CTNNA3: variants seen among roughly 807,000 people sequenced by gnomAD.
CTNNA3 encodes the protein catenin alpha 3.
Under a neutral mutation model 95.7 loss-of-function variants are expected in CTNNA3, and 76 were observed. The observed-to-expected ratio is 0.79, with a 90% confidence interval of 0.66 to 0.96. CTNNA3 has a LOEUF of 0.96. Ranked by LOEUF, CTNNA3 falls within the 40% of genes least tolerant of loss-of-function variation. The pLI, the probability that CTNNA3 is intolerant of heterozygous loss-of-function variation, is 0.00. For missense variants in CTNNA3, 1,191 were observed against 1,089.8 expected (o/e 1.09, Z -1.31); for synonymous variants, 431 against 374.4 (o/e 1.15, Z -1.74).
At chr10:66,840,370 T>TCACA (rs1843022361) in intron 7 of CTNNA3, among the ~76,000 whole-genome samples, 5 of 74,812 alleles carry the variant, frequency 6.7e-5, no homozygotes, top group East Asian at 3.3e-4. Context: ...TCTCTCTCTC[T>TCACA]CTCACACACA....
chr10:66,204,655 C>T (rs2087645452), intron 13 of CTNNA3, among the ~76,000 whole-genome samples: 1 of 152,118 alleles, frequency 6.6e-6, no homozygotes, highest in African/African-American at 2.4e-5. Context: ...GTGACCACTT[C>T]CTCCCTTGTA....
At chr10:66,700,706 G>A (rs1405985322) in intron 9 of CTNNA3, among the ~76,000 whole-genome samples, 2 of 152,116 alleles carry the variant, frequency 1.3e-5, no homozygotes, top group African/African-American at 2.4e-5. Flanking sequence ...AATTATAAGA[G>A]TGAAGTTATG....
chr10:66,747,549 C>A (rs558997048), intron 9 of CTNNA3, among the ~76,000 whole-genome samples: 1 of 152,244 alleles, frequency 6.6e-6, no homozygotes, highest in African/African-American at 2.4e-5. Context: ...CTGACCTATG[C>A]ACGTCACTTA....
chr10:66,007,320 T>G (rs1343220545), intron 15 of CTNNA3, among the ~76,000 whole-genome samples: 1 of 152,136 alleles, frequency 6.6e-6, no homozygotes, highest in Admixed American at 6.6e-5. Context: ...TTTCTCTCCA[T>G]CAGATTATTT....
intron 5 of CTNNA3, among the ~76,000 whole-genome samples, chr10:67,346,181 T>C (rs1272002950): frequency 6.6e-6 from 1 of 152,212 alleles, no homozygotes; most frequent in Non-Finnish European, 1.5e-5. Flanking sequence ...TACCTTATTG[T>C]ACTATCTAGG....
At chr10:67,531,800 C>T (rs935056988) in intron 4 of CTNNA3, among the ~76,000 whole-genome samples, 1 of 152,136 alleles carries the variant, frequency 6.6e-6, no homozygotes, top group Non-Finnish European at 1.5e-5. Context: ...AATTGTAACT[C>T]TCACAATTCC....
rs181751999 is a variant in CTNNA3 at position 66,518,928 on chromosome 10, A to G, written c.1531+1689T>C. On this transcript the variant is annotated intron_variant, in intron 11 of 17. Transcript: ENST00000433211. ...TCATTTTCACTAATGTATCATGAAA[A>G]TATAGTTGGTTTCTGGAATAATTTT... 2.6e-3 allele frequency among the ~76,000 whole-genome samples: 394 copies of G among 152,166 alleles called. 1 individual carries two copies. Among genetic ancestry groups the G allele is most frequent in the African/African-American group, 9.2e-3 (381 of 41,550 alleles).
intron 4 of CTNNA3, among the ~76,000 whole-genome samples, chr10:67,528,724 T>C (rs1252748018): frequency 6.6e-6 from 1 of 152,214 alleles, no homozygotes; most frequent in Non-Finnish European, 1.5e-5. Flanking sequence ...ATGGTATTTT[T>C]AGAAATTTGA....
At chr10:66,105,433 C>CT (rs2081853216) in intron 13 of CTNNA3, among the ~76,000 whole-genome samples, 2 of 152,184 alleles carry the variant, frequency 1.3e-5, no homozygotes, top group African/African-American at 4.8e-5. Flanking sequence ...CAACTGAAGG[C>CT]TGTCTGGTGT....
rs187287762 is a variant in CTNNA3 at position 66,508,234 on chromosome 10, G to A, written c.1531+12383C>T. On this transcript the variant is annotated intron_variant, in intron 11 of 17. Transcript: ENST00000433211. ...TGTTTTTTTTTTTTTTAACAATTTCGTTGACTCTCAGAGTCTAAGACTTCA... is the reference window on the plus strand; with the variant it reads ...TGTTTTTTTTTTTTTTAACAATTTCATTGACTCTCAGAGTCTAAGACTTCA... Among the ~76,000 whole-genome samples, 52 of 88,328 alleles carry A rather than the reference G, an allele frequency of 5.9e-4. 1 individual carries two copies. The highest frequency in any genetic ancestry group is 9.9e-4 in the Non-Finnish European group (45 of 45,502). The allele number at this position is 88,328 out of a possible 152,430, so 57.9% of individuals were successfully genotyped here.
At chr10:66,740,460 T>G (rs887443422) in intron 9 of CTNNA3, among the ~76,000 whole-genome samples, 1 of 152,234 alleles carries the variant, frequency 6.6e-6, no homozygotes, top group Non-Finnish European at 1.5e-5. Context: ...TATTCAATTT[T>G]GTCAAATTAT....
intron 1 of CTNNA3, among the ~76,000 whole-genome samples, chr10:67,742,025 C>T (rs1226162234): frequency 6.6e-6 from 1 of 151,098 alleles, no homozygotes; most frequent in South Asian, 2.1e-4. Flanking sequence ...TAGAGACCTA[C>T]AAAGAGACTT....
intron 17 of CTNNA3, among the ~76,000 whole-genome samples, chr10:65,947,766 G>A (rs2077540742): frequency 6.6e-6 from 1 of 152,172 alleles, no homozygotes; most frequent in Non-Finnish European, 1.5e-5. Context: ...AGCCTAAATT[G>A]CCTAATTCAG....
chr10:66,374,606 CTTTTTTTTTTTTT>C (rs58880058), intron 12 of CTNNA3, among the ~76,000 whole-genome samples: 2 of 88,150 alleles, frequency 2.3e-5, no homozygotes, highest in Non-Finnish European at 4.0e-5. Context: ...AAAGAAAAGC[CTTTTTTTTTTTTT>C]TTTTTTTTTT....
intron 7 of CTNNA3, among the ~76,000 whole-genome samples, chr10:67,027,085 C>T (rs943628167): frequency 2.0e-5 from 3 of 152,140 alleles, no homozygotes; most frequent in Non-Finnish European, 4.4e-5. Flanking sequence ...TAGATTTTTG[C>T]CTTCTACTTC....
intron 14 of CTNNA3, among the ~76,000 whole-genome samples, chr10:66,074,469 A>G (rs1030545501): frequency 6.6e-6 from 1 of 151,836 alleles, no homozygotes; most frequent in Middle Eastern, 3.2e-3. Context: ...AACACACTGT[A>G]CCCTCAAGCT....
At chr10:66,768,461 A>C (rs1374124310) in intron 8 of CTNNA3, among the ~76,000 whole-genome samples, 1 of 152,212 alleles carries the variant, frequency 6.6e-6, no homozygotes, top group Non-Finnish European at 1.5e-5. Flanking sequence ...ATAATAGCCA[A>C]GAAACAAAGA....
chr10:67,223,779 G>A (rs1864764444), intron 5 of CTNNA3, among the ~76,000 whole-genome samples: 1 of 152,158 alleles, frequency 6.6e-6, no homozygotes, highest in Non-Finnish European at 1.5e-5. Context: ...TTGCATCAAG[G>A]CAGTGTGCTA....
chr10:67,443,618 C>A (rs936079864), intron 5 of CTNNA3, among the ~76,000 whole-genome samples: 3 of 152,092 alleles, frequency 2.0e-5, no homozygotes, highest in African/African-American at 7.2e-5. Context: ...CTGTTCATAT[C>A]CTTTGCCCAC....
Sources: gnomAD v4.1 joint callset for allele counts (sites outside exome capture counted in the v4.1 genomes callset) on GRCh38, gnomAD v4.1.1 for gene constraint, MANE v1.5 for transcripts, NCBI Gene and HGNC (gene_info 2026-07-23, HGNC 2026-07-21) for gene names.